Variants in NFIA observed in about 807,000 individuals in gnomAD.
NFIA encodes nuclear factor I A.
Under a neutral mutation model 62.8 loss-of-function variants are expected in NFIA, and 8 were observed. That is an observed-to-expected ratio of 0.13 (90% CI 0.07 to 0.23). NFIA has a LOEUF of 0.23. NFIA is among the 10% of genes least tolerant of loss of function. The pLI, the probability that NFIA is intolerant of heterozygous loss-of-function variation, is 1.00. For missense variants in NFIA, 410 were observed against 642.1 expected (o/e 0.64, Z 3.91); for synonymous variants, 235 against 238.1 (o/e 0.99, Z 0.12).
At chr1:61,394,037 A>G (rs529152299) in intron 7 of NFIA, among the ~76,000 whole-genome samples, 1 of 152,328 alleles carries the variant, frequency 6.6e-6, no homozygotes, top group African/African-American at 2.4e-5. Context: ...TAAATAACCC[A>G]GAGTCTAGCA....
chr1:61,161,029 C>T (rs187864448), intron 2 of NFIA, among the ~76,000 whole-genome samples: 97 of 152,282 alleles, frequency 6.4e-4, no homozygotes, highest in African/African-American at 2.3e-3. Context: ...ACTCTCCTGC[C>T]TCAGCCTCTT....
At chr1:61,297,761 A>G (rs138748186) in intron 3 of NFIA, among the ~76,000 whole-genome samples, 1 of 152,202 alleles carries the variant, frequency 6.6e-6, no homozygotes, top group African/African-American at 2.4e-5. Flanking sequence ...AAGTGCTCTA[A>G]CTGTGAAACA....
chr1:61,091,253 A>G (rs914907488), intron 2 of NFIA, among the ~76,000 whole-genome samples: 1 of 152,104 alleles, frequency 6.6e-6, no homozygotes, highest in African/African-American at 2.4e-5. Context: ...GTGTGTAATA[A>G]TTCTTGCTTT....
chr1:61,146,218 T>C (rs1246010809), intron 2 of NFIA, among the ~76,000 whole-genome samples: 4 of 152,312 alleles, frequency 2.6e-5, no homozygotes, highest in South Asian at 2.1e-4. Flanking sequence ...AGTTGCATCA[T>C]TGGGCCTGCC....
chr1:61,338,215 C>T (rs1661717987), intron 4 of NFIA, among the ~76,000 whole-genome samples: 2 of 152,202 alleles, frequency 1.3e-5, no homozygotes, highest in Non-Finnish European at 2.9e-5. Flanking sequence ...TCTCAGTTAC[C>T]CGGACTGATT....
upstream of NFIA, among the ~76,000 whole-genome samples, chr1:61,079,939 T>A (rs1029713795): frequency 7.2e-5 from 11 of 152,362 alleles, no homozygotes; most frequent in African/African-American, 2.6e-4. Context: ...CTGTAACTCT[T>A]CTACTGTATT....
At position 61,458,229 on chromosome 1, in the gene NFIA, A is replaced by G. The variant is rs1668392064; in HGVS notation, c.*2909A>G. 1 of 152,126 alleles carries G rather than the reference A, an allele frequency of 6.6e-6. No individual in the cohort carries two copies. The highest frequency in any genetic ancestry group is 1.5e-5 in the Non-Finnish European group (1 of 68,030). The allele number at this position is 152,126 out of a possible 1,614,324, so 9.4% of individuals were successfully genotyped here. A position where few individuals can be genotyped will look rare whatever the true frequency, so the allele number is the denominator to read the frequency against. ...AAAAAAAGAAAAAAAAAAAGAAAAA[A>G]TAGCAGCTTTCAGTGCTTCACAGTG... On this transcript the variant is annotated 3_prime_UTR_variant, in exon 11 of 11. Transcript: ENST00000403491.
chr1:61,422,334 T>C (rs1666660097), intron 9 of NFIA, among the ~76,000 whole-genome samples: 2 of 152,180 alleles, frequency 1.3e-5, no homozygotes, highest in South Asian at 4.1e-4. Flanking sequence ...TCTTCAGTCA[T>C]ATTTTTTCCA....
chr1:61,327,363 G>A (rs973314382), intron 3 of NFIA, among the ~76,000 whole-genome samples: 5 of 151,872 alleles, frequency 3.3e-5, no homozygotes, highest in Non-Finnish European at 5.9e-5. Flanking sequence ...CCCAAGTAGT[G>A]TAACTTGTAC....
intron 2 of NFIA, among the ~76,000 whole-genome samples, chr1:61,174,646 G>A (rs1650200502): frequency 1.3e-5 from 2 of 152,328 alleles, no homozygotes; most frequent in South Asian, 4.1e-4. Context: ...CTGAGAAAGA[G>A]GAGTGTGGTT....
intron 2 of NFIA, among the ~76,000 whole-genome samples, chr1:61,224,764 A>T (rs1259262006): frequency 6.6e-6 from 1 of 152,184 alleles, no homozygotes; most frequent in East Asian, 1.9e-4. Context: ...AAGTACTTCA[A>T]ACTGTGTCCT....
rs1442127419 is a variant in NFIA at position 61,460,776 on chromosome 1, G to A, written c.*5456G>A. The A allele has an allele frequency of 6.6e-6, 1 of 152,206 alleles. No individual in the cohort carries two copies. The allele number at this position is 152,206 out of a possible 1,614,324, so 9.4% of individuals were successfully genotyped here. On this transcript the variant is annotated 3_prime_UTR_variant, in exon 11 of 11. Coordinates refer to ENST00000403491, the MANE Select transcript of NFIA (RefSeq NM_001134673.4). ...CTGTCAGTCAGGACCTTCTGGTATA[G>A]GTGATGTAAAATAACCGTACAATAT... is the stretch of plus-strand genomic sequence containing the variant.
At chr1:61,155,743 C>A (rs918002283) in intron 2 of NFIA, among the ~76,000 whole-genome samples, 4 of 150,604 alleles carry the variant, frequency 2.7e-5, no homozygotes, top group Non-Finnish European at 5.9e-5. Context: ...CCCTCTAGAT[C>A]AATCCCAATT....
intron 2 of NFIA, among the ~76,000 whole-genome samples, chr1:61,154,839 A>G (rs553450575): frequency 6.6e-5 from 10 of 152,356 alleles, no homozygotes; most frequent in African/African-American, 1.9e-4. Context: ...GACGTGACCT[A>G]TGACTGTTAA....
intron 4 of NFIA, among the ~76,000 whole-genome samples, chr1:61,349,300 G>A (rs949522649): frequency 3.3e-5 from 5 of 152,146 alleles, no homozygotes; most frequent in African/African-American, 1.2e-4. Flanking sequence ...GAAAGTAGAT[G>A]TGAATTTCAG....
chr1:61,185,744 A>G (rs1016445467), intron 2 of NFIA, among the ~76,000 whole-genome samples: 2 of 151,260 alleles, frequency 1.3e-5, no homozygotes, highest in Non-Finnish European at 1.5e-5. Flanking sequence ...TCTGCTTAGA[A>G]TGCATTTTTC....
At chr1:61,150,286 A>G (rs1648305869) in intron 2 of NFIA, among the ~76,000 whole-genome samples, 2 of 152,136 alleles carry the variant, frequency 1.3e-5, no homozygotes, top group Non-Finnish European at 2.9e-5. Context: ...CATTGGACCA[A>G]AGGATTATAG....
At chr1:61,134,025 C>T (rs1245707586) in intron 2 of NFIA, among the ~76,000 whole-genome samples, 2 of 151,894 alleles carry the variant, frequency 1.3e-5, no homozygotes, top group Non-Finnish European at 2.9e-5. Flanking sequence ...ACTCAGGAGG[C>T]TGAGGCAGGA....
intron 6 of NFIA, among the ~76,000 whole-genome samples, chr1:61,376,609 GT>G (rs933975120): frequency 2.6e-5 from 4 of 151,988 alleles, no homozygotes; most frequent in African/African-American, 4.8e-5. Context: ...TTCAGAGTGG[GT>G]TTTTTTGCAT....
Sources: allele counts gnomAD v4.1 joint callset (sites outside exome capture counted in the v4.1 genomes callset), GRCh38; gene constraint gnomAD v4.1.1; transcripts MANE v1.5; gene names NCBI Gene and HGNC (gene_info 2026-07-23, HGNC 2026-07-21).